ZC3H3: variants seen among roughly 807,000 people sequenced by gnomAD.
ZC3H3 encodes the protein zinc finger CCCH-type containing 3, also known as zinc finger CCCH domain-containing protein 3.
ZC3H3 carries 36 observed loss-of-function variants against 77.3 expected under a neutral mutation model. That is an observed-to-expected ratio of 0.47 (90% CI 0.36 to 0.61). The LOEUF (loss-of-function observed/expected upper bound fraction) is 0.61, where lower values mean the gene tolerates loss of function less well. Ranked by LOEUF, ZC3H3 falls within the 20% of genes least tolerant of loss-of-function variation. The probability of loss-of-function intolerance (pLI) is 0.00; values close to 1 mark genes in which losing one functional copy is unlikely to be tolerated. For synonymous variants in ZC3H3, 626 were observed against 555.2 expected (o/e 1.13, Z -1.79); for missense variants, 1,331 against 1,312.2 (o/e 1.01, Z -0.22).
chr8:143,437,883 C>G lies in ZC3H3; in HGVS notation c.*173G>C, dbSNP rs999344414. 2.2e-5 allele frequency: 19 copies of G among 870,542 alleles called. No individual in the cohort carries two copies. Among genetic ancestry groups the G allele is most frequent in the East Asian group, 8.2e-5 (3 of 36,480 alleles). 53.9% of individuals were successfully genotyped at this position (870,542 alleles called of 1,614,324 possible). ...CTTGGGGGAGGAAGACCAGGCCCTGCGCACACGCTGGTCATGGAAGGTTGA... is the reference window on the plus strand; with the variant it reads ...CTTGGGGGAGGAAGACCAGGCCCTGGGCACACGCTGGTCATGGAAGGTTGA... On this transcript the variant is annotated 3_prime_UTR_variant, in exon 12 of 12. Transcript: ENST00000262577.
chr8:143,491,398 C>T (rs562572506), intron 4 of ZC3H3, among the ~76,000 whole-genome samples: 19 of 152,368 alleles, frequency 1.2e-4, no homozygotes, highest in Non-Finnish European at 2.4e-4. Context: ...CACCAGGGAG[C>T]TCCTGCATCC....
In ZC3H3 at chr8:143,530,529, G is replaced by T. The variant is rs548032329; in HGVS notation, c.1561+5728C>A. 6.6e-6 allele frequency among the ~76,000 whole-genome samples: 1 copy of T among 152,122 alleles called. No individual in the cohort carries two copies. The highest frequency in any genetic ancestry group is 1.9e-4 in the East Asian group (1 of 5,156). On this transcript the variant is annotated intron_variant, in intron 3 of 11. Coordinates refer to ENST00000262577, the MANE Select transcript of ZC3H3 (RefSeq NM_015117.3). This position sits in a 1 kb window ranked among gnomAD's most constrained non-coding sequence, Gnocchi z 4.3. Reference sequence around the variant, plus strand: ...CCCCAGCCTGGGCACAGGGTGGTGGGTGGGAGAGCTGGCCCTCACTCCTGG... The same window carrying T: ...CCCCAGCCTGGGCACAGGGTGGTGGTTGGGAGAGCTGGCCCTCACTCCTGG...
intron 4 of ZC3H3, among the ~76,000 whole-genome samples, chr8:143,501,064 A>G (rs1017762851): frequency 4.5e-4 from 67 of 147,712 alleles, no homozygotes; most frequent in African/African-American, 1.6e-3. Flanking sequence ...TGATCCGCCT[A>G]TCTCGGCCTC....
intron 3 of ZC3H3, among the ~76,000 whole-genome samples, chr8:143,523,708 G>A (rs760999358): frequency 1.1e-4 from 16 of 152,342 alleles, no homozygotes; most frequent in Middle Eastern, 3.4e-3. Context: ...TGCATTCTCC[G>A]CAGGCTCCCC....
At chr8:143,455,445 G>C (rs891233348) in intron 9 of ZC3H3, among the ~76,000 whole-genome samples, 2 of 152,240 alleles carry the variant, frequency 1.3e-5, no homozygotes, top group South Asian at 4.1e-4. Flanking sequence ...GCAGTGGACA[G>C]AGGTTGTGCC....
intron 4 of ZC3H3, among the ~76,000 whole-genome samples, chr8:143,491,927 G>A (rs768837765): frequency 6.6e-5 from 10 of 152,310 alleles, no homozygotes; most frequent in Middle Eastern, 3.4e-3. Context: ...GAAGCCCTCA[G>A]CCACCGTGTT....
Position 143,530,156 on chromosome 8 carries a change from G to C in ZC3H3, c.1561+6101C>G, listed in dbSNP as rs1002083053. ...TGGGCAGCCGGCAGGCCTCGACCCA[G>C]CCTGGTTGTCCACACGAGACCACCA... On this transcript the variant is annotated intron_variant, in intron 3 of 11. Transcript: ENST00000262577. This position sits in a 1 kb window ranked among gnomAD's most constrained non-coding sequence, Gnocchi z 4.3. Among the ~76,000 whole-genome samples, 1 of 152,160 alleles carries C rather than the reference G, an allele frequency of 6.6e-6. No individual in the cohort carries two copies. The highest frequency in any genetic ancestry group is 1.9e-4 in the East Asian group (1 of 5,180).
chr8:143,475,494 A>G lies in ZC3H3; in HGVS notation c.1807T>C (p.Cys603Arg), dbSNP rs754359941. The G allele has an allele frequency of 3.7e-6, 6 of 1,613,024 alleles. No homozygotes were observed. The East Asian group carries it at 1.3e-4, about 36-fold the overall frequency. ...SPWWRSKGYR[C>R]IGGVLYKVSA... ...ACTTTGTAGAGGACCCCTCCGATGC[A>G]GCGGTAGCCTTTGCTCCGCCACCAA... The change falls in exon 5 of 12, where the codon TGC becomes CGC. Residue 603 changes from cysteine to arginine, a missense_variant. Transcript: ENST00000262577.
intron 4 of ZC3H3, among the ~76,000 whole-genome samples, chr8:143,495,795 G>A (rs1204298861): frequency 6.9e-6 from 1 of 145,384 alleles, no homozygotes; most frequent in Non-Finnish European, 1.5e-5. Flanking sequence ...AGAGACAGAC[G>A]TCTCACTATG....
intron 4 of ZC3H3, among the ~76,000 whole-genome samples, chr8:143,495,717 G>C (rs1047832850): frequency 1.3e-5 from 2 of 151,824 alleles, no homozygotes; most frequent in Non-Finnish European, 2.9e-5. Flanking sequence ...GAGTAGCTGG[G>C]GTACAGGTGC....
At chr8:143,498,493 T>G (rs1298222781) in intron 4 of ZC3H3, among the ~76,000 whole-genome samples, 2 of 152,102 alleles carry the variant, frequency 1.3e-5, no homozygotes, top group Non-Finnish European at 2.9e-5. Context: ...GGAAGGGCCG[T>G]GGAGGCTGTG....
intron 9 of ZC3H3, among the ~76,000 whole-genome samples, chr8:143,459,732 A>G (rs1456409068): frequency 6.6e-6 from 1 of 152,008 alleles, no homozygotes. Flanking sequence ...CAATTGATCT[A>G]CAAAAAGGCC....
At chr8:143,483,586 A>G (rs553113282) in intron 4 of ZC3H3, among the ~76,000 whole-genome samples, 183 of 152,246 alleles carry the variant, frequency 1.2e-3, no homozygotes, top group Non-Finnish European at 1.7e-3. Flanking sequence ...TGGGGGTGCT[A>G]GGCGGGCTCC....
chr8:143,512,027 G>C (rs975217106), intron 3 of ZC3H3, among the ~76,000 whole-genome samples: 2 of 152,258 alleles, frequency 1.3e-5, no homozygotes, highest in African/African-American at 4.8e-5. Context: ...ATGTTGACTT[G>C]CCTGACAGAC....
At chr8:143,439,959 G>A (rs1032742326) in intron 11 of ZC3H3, 82 bp downstream of exon 11, 1 of 1,208,292 alleles carries the variant, frequency 8.3e-7, no homozygotes. Context: ...GGGGGCCCTG[G>A]GGGCCTGAGC....
intron 3 of ZC3H3, among the ~76,000 whole-genome samples, chr8:143,534,424 G>A (rs549496119): frequency 3.3e-5 from 5 of 152,080 alleles, no homozygotes; most frequent in South Asian, 2.1e-4. Context: ...GCAGGAGTCC[G>A]GGGGGCGCCG....
chr8:143,475,415 C>G lies in ZC3H3; in HGVS notation c.1886G>C (p.Arg629Thr). 1.9e-6 allele frequency: 3 copies of G among 1,613,010 alleles called. No individual in the cohort carries two copies. The highest frequency in any genetic ancestry group is 2.5e-6 in the Non-Finnish European group (3 of 1,179,854). The change falls in exon 5 of 12, where the codon AGG (arginine) becomes ACG (threonine). Residue 629 changes from arginine to threonine, a missense_variant. By Grantham distance (71) the Arg-to-Thr change is moderately conservative (BLOSUM62 -1). This residue lies in a region of ZC3H3 where 978 missense variants were observed against 915.5 expected (regional missense o/e 1.07). Coordinates refer to ENST00000262577, the MANE Select transcript of ZC3H3 (RefSeq NM_015117.3). The part of the protein sequence containing the change: ...TSGQPSDAGS[R>T]PLLRTGRLDP... ...CCTCTCACCTGTGCGCAGGAGGGGC[C>G]TGCTGCCCGCATCACTGGGCTGGCC...
intron 4 of ZC3H3, among the ~76,000 whole-genome samples, chr8:143,490,449 C>T (rs947270966): frequency 6.6e-6 from 1 of 152,190 alleles, no homozygotes; most frequent in African/African-American, 2.4e-5. Flanking sequence ...AGAGACCACC[C>T]GGGCCCAGCC....
intron 3 of ZC3H3, among the ~76,000 whole-genome samples, chr8:143,522,431 C>T (rs1276834526): frequency 6.6e-6 from 1 of 151,690 alleles, no homozygotes; most frequent in East Asian, 1.9e-4. Flanking sequence ...GGTGAAACCC[C>T]ATCTCTACCA....
Sources: allele counts gnomAD v4.1 joint callset (sites outside exome capture counted in the v4.1 genomes callset), GRCh38; gene constraint gnomAD v4.1.1; regional missense constraint gnomAD v4.1.1; non-coding constraint Gnocchi (gnomAD v3.1); transcripts MANE v1.5; gene names NCBI Gene and HGNC (gene_info 2026-07-23, HGNC 2026-07-21).